EYA3: variants seen among roughly 807,000 people sequenced by gnomAD.
EYA3 encodes EYA transcriptional coactivator and phosphatase 3, also known as protein phosphatase EYA3.
In EYA3, 39 loss-of-function variants were observed where a neutral mutation model predicts 80.0. The observed-to-expected ratio is 0.49, with a 90% CI of 0.38 to 0.64. The LOEUF is 0.64. Among genes scored for constraint, EYA3 ranks in the 30% least tolerant of loss-of-function variants. The pLI, the probability that EYA3 is intolerant of heterozygous loss-of-function variation, is 0.00. For missense variants in EYA3, 523 were observed against 676.1 expected, an observed-to-expected ratio of 0.77 and a Z score of 2.51; for synonymous variants, 206 against 232.8, an observed-to-expected ratio of 0.88 and a Z score of 1.05.
intron 7 of EYA3, among the ~76,000 whole-genome samples, chr1:28,017,717 C>G (rs1642164814): frequency 6.6e-6 from 1 of 152,156 alleles, no homozygotes; most frequent in Non-Finnish European, 1.5e-5. Flanking sequence ...AGCTGGTCCT[C>G]CAAATTCCAA....
At chr1:28,028,006 T>C (rs1642889849) in intron 6 of EYA3, 80 bp from the exon 7 acceptor site, 2 of 1,490,676 alleles carry the variant, frequency 1.3e-6, no homozygotes, top group Non-Finnish European at 1.8e-6. Flanking sequence ...TATCAGCCAG[T>C]AGGTTTAAAA....
At chr1:28,008,339 G>GA (rs1333159454) in intron 10 of EYA3, among the ~76,000 whole-genome samples, 5 of 151,574 alleles carry the variant, frequency 3.3e-5, no homozygotes, top group East Asian at 3.9e-4. Flanking sequence ...GAAAATCTCA[G>GA]AAAAAATACA....
chr1:28,003,309 CAACAACAAA>C (rs966318863), intron 11 of EYA3, among the ~76,000 whole-genome samples: 1 of 144,826 alleles, frequency 6.9e-6, no homozygotes, highest in African/African-American at 2.6e-5. Flanking sequence ...ACAACAACAA[CAACAACAAA>C]ATTAGCCAGG....
At chr1:28,081,280 T>C (rs1645419638) in intron 1 of EYA3, among the ~76,000 whole-genome samples, 1 of 152,228 alleles carries the variant, frequency 6.6e-6, no homozygotes, top group Non-Finnish European at 1.5e-5. Context: ...TGGCCTATTC[T>C]CTTTGTGAAG....
At position 28,026,542 on chromosome 1, in the gene EYA3, C is replaced by G. The variant is rs535515523; in HGVS notation, c.499+1247G>C. ...CTGAGGTGAGAGGATCACTTTAGCC[C>G]GGAAGGTGAAGGCTGCAGTGAGCCA... On this transcript the variant is annotated intron_variant, in intron 7 of 17. Coordinates refer to ENST00000373871, the MANE Select transcript of EYA3 (RefSeq NM_001990.4). Among the ~76,000 whole-genome samples, 211 of 152,066 alleles carry G rather than the reference C, an allele frequency of 1.4e-3. 1 individual carries two copies. Among genetic ancestry groups the G allele is most frequent in the African/African-American group, 4.7e-3 (196 of 41,476 alleles).
chr1:27,994,256 T>G (rs1640267721), intron 13 of EYA3, among the ~76,000 whole-genome samples: 1 of 152,164 alleles, frequency 6.6e-6, no homozygotes, highest in African/African-American at 2.4e-5. Context: ...AGCAGCCCCA[T>G]GGAGAGGTAT....
At chr1:27,989,404 G>A (rs1356342977) in intron 15 of EYA3, among the ~76,000 whole-genome samples, 6 of 152,090 alleles carry the variant, frequency 3.9e-5, no homozygotes, top group Non-Finnish European at 5.9e-5. Flanking sequence ...ATTCTTTGAC[G>A]TCACCAGGTC....
At chr1:28,060,465 A>G (rs1250480527) in intron 1 of EYA3, among the ~76,000 whole-genome samples, 3 of 152,220 alleles carry the variant, frequency 2.0e-5, no homozygotes, top group African/African-American at 7.2e-5. Flanking sequence ...AAATGTTAAA[A>G]TATTGAATTT....
rs1208741914 is a variant in EYA3, at chr1:28,013,280, A to G, written c.600T>C (p.Tyr200=). The G allele has an allele frequency of 6.2e-7, 1 of 1,612,036 alleles. No homozygotes were observed. Among genetic ancestry groups the G allele is most frequent in the South Asian group, 1.1e-5 (1 of 90,792 alleles). The change falls in exon 9 of 18, where the codon TAT becomes TAC. Residue 200 remains tyrosine, a synonymous_variant. Coordinates refer to ENST00000373871, the MANE Select transcript of EYA3 (RefSeq NM_001990.4). The surrounding 1 kb of genome is among the most constrained non-coding windows in gnomAD (Gnocchi z 4.0). ...GGTACTGATTCTGACCAAGAATAGT[A>G]TAGGTGGGATAATCCTGCAGGCCAA... ...ASISNQDYPT[Y]TILGQNQYQA...
intron 1 of EYA3, among the ~76,000 whole-genome samples, chr1:28,063,352 C>CTTTTTTTTTT (rs371840536): frequency 1.1e-5 from 1 of 93,550 alleles, no homozygotes; most frequent in African/African-American, 4.6e-5. Context: ...TAACTAAAAC[C>CTTTTTTTTTT]TTTTTTTTTT....
chr1:27,976,163 G>C (rs1429667638), intron 17 of EYA3, among the ~76,000 whole-genome samples: 1 of 152,168 alleles, frequency 6.6e-6, no homozygotes, highest in African/African-American at 2.4e-5. Context: ...TTATGTTCAA[G>C]AATGCCAGAC....
At chr1:28,030,170 C>T (rs1422644627) in intron 6 of EYA3, among the ~76,000 whole-genome samples, 1 of 152,196 alleles carries the variant, frequency 6.6e-6, no homozygotes, top group Non-Finnish European at 1.5e-5. Flanking sequence ...AGAACCTCTG[C>T]TTCACCAGGG....
intron 12 of EYA3, chr1:27,998,335 C>T: frequency 5.1e-6 from 5 of 985,388 alleles, no homozygotes; most frequent in Non-Finnish European, 4.8e-6. Context: ...CTTTCAGTTC[C>T]TGAGTGAGGA....
At chr1:28,025,172 C>T (rs533251154) in intron 7 of EYA3, among the ~76,000 whole-genome samples, 27 of 152,234 alleles carry the variant, frequency 1.8e-4, no homozygotes, top group South Asian at 4.1e-4. Flanking sequence ...ATAATACCCA[C>T]GTTTCATTTT....
rs945771227 is a variant in EYA3, at chr1:28,007,478, G to A, written c.910-3059C>T. ...GCCTCCCGAGTAGCTGGGGTTACAG[G>A]CGCCTGCCACCATGCCCGTCTAATT... On this transcript the variant is annotated intron_variant, in intron 10 of 17. Coordinates refer to ENST00000373871, the MANE Select transcript of EYA3 (RefSeq NM_001990.4). Among the ~76,000 whole-genome samples the A allele has an allele frequency of 5.3e-4, 80 of 151,832 alleles. 1 individual carries two copies. Among genetic ancestry groups the A allele is most frequent in the African/African-American group, 1.9e-3 (79 of 41,384 alleles).
chr1:28,017,048 C>T, intron 8 of EYA3, 106 bp downstream of exon 8: 1 of 920,614 alleles, frequency 1.1e-6, no homozygotes, highest in Non-Finnish European at 1.7e-6. Flanking sequence ...CTCCACAGCC[C>T]ATACTATTCC....
At chr1:28,078,059 T>G (rs1173029685) in intron 1 of EYA3, among the ~76,000 whole-genome samples, 1 of 151,994 alleles carries the variant, frequency 6.6e-6, no homozygotes, top group African/African-American at 2.4e-5. Flanking sequence ...CAAAACTCCA[T>G]CAGACAGGAT....
intron 17 of EYA3, 103 bp from the exon 18 acceptor site, chr1:27,974,649 G>T: frequency 1.1e-6 from 1 of 890,256 alleles, no homozygotes. Context: ...CAAGGTACAT[G>T]GTAACCCTAT....
At chr1:28,068,175 A>C (rs1471129030) in intron 1 of EYA3, among the ~76,000 whole-genome samples, 1 of 151,982 alleles carries the variant, frequency 6.6e-6, no homozygotes, top group African/African-American at 2.4e-5. Context: ...GTCTCTACTA[A>C]AAATAAAAAA....
Sources: gnomAD v4.1 joint callset for allele counts (sites outside exome capture counted in the v4.1 genomes callset) on GRCh38, gnomAD v4.1.1 for gene constraint, Gnocchi (gnomAD v3.1) non-coding constraint, MANE v1.5 for transcripts, NCBI Gene and HGNC (gene_info 2026-07-23, HGNC 2026-07-21) for gene names.